SPRR2A: variants seen among roughly 807,000 people sequenced by gnomAD.
The protein encoded by SPRR2A is small proline rich protein 2A.
SPRR2A carries 3 observed loss-of-function variants against 1.2 expected under a neutral mutation model. The ratio of observed to expected loss-of-function variants is 2.56; its 90% confidence interval spans 1.17 to 6.62. SPRR2A has a LOEUF of 6.62. Ranked by LOEUF, SPRR2A falls within the 30% of genes most tolerant of loss-of-function variation. The pLI is 0.02. For synonymous variants in SPRR2A, 31 were observed against 33.1 expected (o/e 0.94, Z 0.21); for missense variants, 66 against 87.8 (o/e 0.75, Z 0.99).
Position 153,056,487 on chromosome 1 carries a change from C to G in SPRR2A, c.*30G>C. On this transcript the variant is annotated 3_prime_UTR_variant, in exon 2 of 2. Coordinates refer to ENST00000392653, the MANE Select transcript of SPRR2A (RefSeq NM_005988.3). ...ACGAGGTGAGCCAAATATCCTTATC[C>G]TTTCTTGGTCCTGATGAATTCTGAA... 6.2e-7 allele frequency: 1 copy of G among 1,606,734 alleles called. No individual in the cohort carries two copies. The highest frequency in any genetic ancestry group is 8.5e-7 in the Non-Finnish European group (1 of 1,177,014).
Position 153,056,123 on chromosome 1 carries a change from A to G in SPRR2A, c.*394T>C, listed in dbSNP as rs909944595. On this transcript the variant is annotated 3_prime_UTR_variant, in exon 2 of 2. Transcript: ENST00000392653. ...ACAAAAGATCCATTCACAAATATAT[A>G]TGCATAGATACTTTATTCAGGGAGT... 1 of 396,618 alleles carries G rather than the reference A, an allele frequency of 2.5e-6. No homozygotes were observed. Among genetic ancestry groups the G allele is most frequent in the African/African-American group, 2.1e-5 (1 of 48,392 alleles). The allele number at this position is 396,618 out of a possible 1,614,324, so 24.6% of individuals were successfully genotyped here.
rs1654361819 is a variant in SPRR2A, at chr1:153,056,768, T to C, written c.-19-14A>G. The C allele has an allele frequency of 1.3e-6, 2 of 1,595,546 alleles. No individual in the cohort carries two copies. The highest frequency in any genetic ancestry group is 8.5e-7 in the Non-Finnish European group (1 of 1,172,656). On this transcript the variant is annotated splice_polypyrimidine_tract_variant and intron_variant, in intron 1 of 1. Transcript: ENST00000392653. Reference sequence around the variant, plus strand: ...GAGTCTCAGGATCTGAAAGAAATGATACAACAGTGTTCGTGGGAAGGGAAT... The same window carrying C: ...GAGTCTCAGGATCTGAAAGAAATGACACAACAGTGTTCGTGGGAAGGGAAT...
intron 1 of SPRR2A, among the ~76,000 whole-genome samples, chr1:153,057,124 G>A (rs1483784046): frequency 6.6e-6 from 1 of 152,070 alleles, no homozygotes; most frequent in African/African-American, 2.4e-5. Flanking sequence ...GCTGACTTGG[G>A]CATAGAGCAA....
intron 1 of SPRR2A, among the ~76,000 whole-genome samples, chr1:153,057,006 T>C (rs1472410532): frequency 6.6e-6 from 1 of 152,192 alleles, no homozygotes; most frequent in East Asian, 1.9e-4. Flanking sequence ...TCAAGCATCT[T>C]ATTTCCCTGA....
intron 1 of SPRR2A, 143 bp from the exon 2 acceptor site, chr1:153,056,897 G>T (rs1030121408): frequency 3.4e-5 from 47 of 1,380,312 alleles, no homozygotes; most frequent in Middle Eastern, 2.7e-4. Context: ...AGACTTTCTG[G>T]TTTCTCCCTT....
intron 1 of SPRR2A, 24 bp from the exon 2 acceptor site, chr1:153,056,778 T>A (rs1052624090): frequency 6.3e-7 from 1 of 1,598,158 alleles, no homozygotes; most frequent in Non-Finnish European, 8.5e-7. Context: ...TACAACAGTG[T>A]TCGTGGGAAG....
intron 1 of SPRR2A, among the ~76,000 whole-genome samples, chr1:153,057,168 C>G (rs926294748): frequency 1.3e-5 from 2 of 152,108 alleles, no homozygotes; most frequent in Admixed American, 1.3e-4. Context: ...GTCTTTCACA[C>G]CTGCTAAGAC....
Position 153,056,594 on chromosome 1 carries a change from G to A in SPRR2A, c.142C>T (p.Gln48Ter), listed in dbSNP as rs769647470. The stretch of plus-strand genomic sequence containing the variant: ...GGAGGATATTTCTGCTGGCACTGCT[G>A]AGGTGGGCAGGGCTGTGGACACTTT... ...PPKCPQPCPP[Q>*]QCQQKYPPVT... Residue 48 changes from glutamine (Q) to a stop codon, truncating the protein, a stop_gained, in exon 2 of 2, where the codon CAG becomes TAG. Coordinates refer to ENST00000392653, the MANE Select transcript of SPRR2A (RefSeq NM_005988.3). LOFTEE classifies it low-confidence loss of function (END_TRUNC). The A allele has an allele frequency of 6.2e-7, 1 of 1,612,138 alleles. No individual in the cohort carries two copies. The highest frequency in any genetic ancestry group is 1.7e-5 in the Admixed American group (1 of 60,008).
In SPRR2A at chr1:153,056,145, G is replaced by A. The variant is rs1654339011; in HGVS notation, c.*372C>T. 1 of 415,398 alleles carries A rather than the reference G, an allele frequency of 2.4e-6. No homozygotes were observed. The highest frequency in any genetic ancestry group is 8.2e-5 in the South Asian group (1 of 12,162). The allele number at this position is 415,398 out of a possible 1,614,324, so 25.7% of individuals were successfully genotyped here. ...TATATGCATAGATACTTTATTCAGG[G>A]AGTGAAAGATAAGTGACAATTGCAA... On this transcript the variant is annotated 3_prime_UTR_variant, in exon 2 of 2. Coordinates refer to ENST00000392653, the MANE Select transcript of SPRR2A (RefSeq NM_005988.3).
chr1:153,057,138 G>T (rs192411695), intron 1 of SPRR2A, among the ~76,000 whole-genome samples: 3 of 152,246 alleles, frequency 2.0e-5, no homozygotes, highest in Admixed American at 1.3e-4. Flanking sequence ...AGAGCAAAGG[G>T]CTGCTCAGGG....
At chr1:153,057,131 G>A (rs1654369866) in intron 1 of SPRR2A, among the ~76,000 whole-genome samples, 2 of 152,144 alleles carry the variant, frequency 1.3e-5, no homozygotes, top group South Asian at 4.2e-4. Flanking sequence ...TGGGCATAGA[G>A]CAAAGGGCTG....
At position 153,056,153 on chromosome 1, in the gene SPRR2A, G is replaced by T. The variant is rs1388437534; in HGVS notation, c.*364C>A. 2.4e-6 allele frequency: 1 copy of T among 418,642 alleles called. No homozygotes were observed. Among genetic ancestry groups the T allele is most frequent in the Non-Finnish European group, 4.2e-6 (1 of 236,338 alleles). The allele number at this position is 418,642 out of a possible 1,614,324, so 25.9% of individuals were successfully genotyped here. On this transcript the variant is annotated 3_prime_UTR_variant, in exon 2 of 2. Transcript: ENST00000392653. ...TAGATACTTTATTCAGGGAGTGAAA[G>T]ATAAGTGACAATTGCAAAGGTGGTA...
In SPRR2A at chr1:153,056,569, G is replaced by A. The variant is rs764471201; in HGVS notation, c.167C>T (p.Pro56Leu). Reference sequence around the variant, plus strand: ...CTGGCAGGGTGGGGAAGGTGTCACAGGAGGATATTTCTGCTGGCACTGCTG... The same window carrying A: ...CTGGCAGGGTGGGGAAGGTGTCACAAGAGGATATTTCTGCTGGCACTGCTG... ...PPQQCQQKYP[P>L]VTPSPPCQSK... is the part of the protein sequence containing the mutation. The change falls in exon 2 of 2, where the codon CCT becomes CTT. Residue 56 changes from proline to leucine, a missense_variant. Coordinates refer to ENST00000392653, the MANE Select transcript of SPRR2A (RefSeq NM_005988.3). 2.7e-5 allele frequency: 43 copies of A among 1,612,192 alleles called. No homozygotes were observed. The African/African-American group carries it at 5.2e-4, about 20-fold the overall frequency.
In SPRR2A at chr1:153,056,681, G is replaced by A. The variant is rs770817198; in HGVS notation, c.55C>T (p.Pro19Ser). Reference sequence around the variant, plus strand: ...CATGGCTCTGGGCACTTTGGCGTGGGGCACACAGGAGGTGGCTGGCAGGGC... The same window carrying A: ...CATGGCTCTGGGCACTTTGGCGTGGAGCACACAGGAGGTGGCTGGCAGGGC... Reference protein sequence around the residue: ...KQPCQPPPVCPTPKCPEPCPP... With the variant: ...KQPCQPPPVCSTPKCPEPCPP... The change falls in exon 2 of 2, where the codon CCC (proline) becomes TCC (serine). Residue 19 changes from proline (P) to serine (S), a missense_variant. Physicochemically the swap from Pro to Ser is moderately conservative, Grantham distance 74. Transcript: ENST00000392653. 3.7e-6 allele frequency: 6 copies of A among 1,610,580 alleles called. No individual in the cohort carries two copies. Among genetic ancestry groups the A allele is most frequent in the South Asian group, 1.1e-5 (1 of 90,952 alleles).
In SPRR2A at chr1:153,056,507, T is replaced by C. The variant is rs391534; in HGVS notation, c.*10A>G. 45 of 1,611,366 alleles carry C rather than the reference T, an allele frequency of 2.8e-5. No individual in the cohort carries two copies. Among genetic ancestry groups the C allele is most frequent in the South Asian group, 5.5e-5 (5 of 90,804 alleles). The stretch of plus-strand genomic sequence containing the variant: ...TTATCCTTTCTTGGTCCTGATGAAT[T>C]CTGAAGCTGTTACTTGCTCTTCGGT... On this transcript the variant is annotated 3_prime_UTR_variant, in exon 2 of 2. Coordinates refer to ENST00000392653, the MANE Select transcript of SPRR2A (RefSeq NM_005988.3).
chr1:153,056,401 A>G lies in SPRR2A; in HGVS notation c.*116T>C. ...CATGGGCAGATTACTGGCTAAGGAG[A>G]AAGAAGCTCCCTGTGTATCCATGGT... is the stretch of plus-strand genomic sequence containing the variant. On this transcript the variant is annotated 3_prime_UTR_variant, in exon 2 of 2. Transcript: ENST00000392653. 6.6e-7 allele frequency: 1 copy of G among 1,507,878 alleles called. No individual in the cohort carries two copies. Among genetic ancestry groups the G allele is most frequent in the Non-Finnish European group, 8.9e-7 (1 of 1,123,956 alleles). 93.4% of individuals were successfully genotyped at this position (1,507,878 alleles called of 1,614,324 possible). A position where few individuals can be genotyped will look rare whatever the true frequency, so the allele number is the denominator to read the frequency against.
chr1:153,057,057 C>T (rs1216903259), intron 1 of SPRR2A, among the ~76,000 whole-genome samples: 1 of 151,904 alleles, frequency 6.6e-6, no homozygotes, highest in East Asian at 1.9e-4. Context: ...GTTCAGACAC[C>T]CTGGGCAATC....
Position 153,056,378 on chromosome 1 carries a change from TG to T in SPRR2A, c.*138del. The T allele has an allele frequency of 1.4e-6, 2 of 1,437,744 alleles. No individual in the cohort carries two copies. Among genetic ancestry groups the T allele is most frequent in the Non-Finnish European group, 1.9e-6 (2 of 1,069,480 alleles). 89.1% of individuals were successfully genotyped at this position (1,437,744 alleles called of 1,614,324 possible). A position where few individuals can be genotyped will look rare whatever the true frequency, so the allele number is the denominator to read the frequency against. ...AACTTTTTGCTGTCAGGGATCATCA[TG>T]GGCAGATTACTGGCTAAGGAGAAAG... On this transcript the variant is annotated 3_prime_UTR_variant, in exon 2 of 2. Coordinates refer to ENST00000392653, the MANE Select transcript of SPRR2A (RefSeq NM_005988.3).
chr1:153,056,841 T>G, intron 1 of SPRR2A, 87 bp from the exon 2 acceptor site: 1 of 1,557,892 alleles, frequency 6.4e-7, no homozygotes, highest in African/African-American at 1.4e-5. Flanking sequence ...GGCATATTAT[T>G]TCTCCAATCT....
Sources: allele counts gnomAD v4.1 joint callset (sites outside exome capture counted in the v4.1 genomes callset), GRCh38; gene constraint gnomAD v4.1.1; transcripts MANE v1.5; gene names NCBI Gene and HGNC (gene_info 2026-07-23, HGNC 2026-07-21).